ZNF638: variants seen among roughly 807,000 people sequenced by gnomAD.
The protein encoded by ZNF638 is zinc finger protein 638, also known as CTCL tumor antigen se33-1.
ZNF638 carries 46 observed loss-of-function variants against 195.6 expected under a neutral mutation model. The observed-to-expected ratio is 0.24, with a 90% confidence interval of 0.19 to 0.30. ZNF638 has a LOEUF of 0.30. Ranked by LOEUF, ZNF638 falls within the 10% of genes least tolerant of loss-of-function variation. The pLI is 1.00. For synonymous variants in ZNF638, 845 were observed against 772.0 expected (o/e 1.09, Z -1.57); for missense variants, 2,440 against 2,325.3 (o/e 1.05, Z -1.01).
At chr2:71,358,793 G>C (rs150063180) in intron 3 of ZNF638, among the ~76,000 whole-genome samples, 1 of 151,978 alleles carries the variant, frequency 6.6e-6, no homozygotes, top group Non-Finnish European at 1.5e-5. Context: ...CTTTCCTATC[G>C]GTGCCATTTT....
chr2:71,434,989 A>G lies in ZNF638; in HGVS notation c.*182A>G, dbSNP rs946778388. ...GTATGATGGGTTTGATTTTTATATC[A>G]AATCATCAGGCATGGAGAAATATCT... On this transcript the variant is annotated 3_prime_UTR_variant, in exon 28 of 28. Coordinates refer to ENST00000264447, the MANE Select transcript of ZNF638 (RefSeq NM_014497.5). The G allele has an allele frequency of 1.9e-6, 1 of 518,288 alleles. No homozygotes were observed. Among genetic ancestry groups the G allele is most frequent in the African/African-American group, 2.0e-5 (1 of 50,246 alleles). The allele number at this position is 518,288 out of a possible 1,614,324, so 32.1% of individuals were successfully genotyped here. A position where few individuals can be genotyped will look rare whatever the true frequency, so the allele number is the denominator to read the frequency against.
At chr2:71,418,715 T>G (rs2080356919) in intron 21 of ZNF638, 76 bp downstream of exon 21, 3 of 1,028,620 alleles carry the variant, frequency 2.9e-6, no homozygotes, top group Non-Finnish European at 4.2e-6. Flanking sequence ...TTTATAGTAA[T>G]GGCTCACATG....
intron 10 of ZNF638, chr2:71,380,860 C>T (rs2079523830): frequency 4.6e-6 from 1 of 217,212 alleles, no homozygotes; most frequent in Admixed American, 5.8e-5. Context: ...ATATCTCCCT[C>T]CATCCCTTCC....
intron 19 of ZNF638, 48 bp downstream of exon 19, chr2:71,406,310 T>A: frequency 1.9e-6 from 3 of 1,550,458 alleles, no homozygotes; most frequent in Non-Finnish European, 2.7e-6. Context: ...AAAGAATGTA[T>A]AATAACCCTG....
intron 10 of ZNF638, chr2:71,393,754 G>A: frequency 1.6e-6 from 1 of 635,036 alleles, no homozygotes; most frequent in African/African-American, 1.8e-5. Context: ...CTTACGCCCT[G>A]TTACCTGGGC....
intron 8 of ZNF638, among the ~76,000 whole-genome samples, chr2:71,378,290 G>A (rs2079471891): frequency 6.6e-6 from 1 of 152,156 alleles, no homozygotes; most frequent in Non-Finnish European, 1.5e-5. Context: ...GAACATAGTA[G>A]TTTCAAATTT....
chr2:71,424,182 G>T, intron 22 of ZNF638, 144 bp downstream of exon 22: 1 of 1,109,926 alleles, frequency 9.0e-7, no homozygotes, highest in Non-Finnish European at 1.2e-6. Context: ...TTTCTTAAAT[G>T]ATTCCATTGT....
intron 8 of ZNF638, among the ~76,000 whole-genome samples, chr2:71,374,666 C>G (rs2104323859): frequency 6.6e-6 from 1 of 152,324 alleles, no homozygotes; most frequent in Non-Finnish European, 1.5e-5. Context: ...GCCTGTTATC[C>G]TAGCATTTTG....
intron 1 of ZNF638, among the ~76,000 whole-genome samples, chr2:71,335,086 T>C (rs1236289251): frequency 6.6e-6 from 1 of 152,178 alleles, no homozygotes; most frequent in Non-Finnish European, 1.5e-5. Flanking sequence ...AGGATCTCAC[T>C]CTTTCTCTAA....
intron 21 of ZNF638, among the ~76,000 whole-genome samples, chr2:71,419,020 A>G (rs552717806): frequency 6.6e-6 from 1 of 152,322 alleles, no homozygotes; most frequent in African/African-American, 2.4e-5. Context: ...TAACCTTTTA[A>G]CGTTACTTAA....
At chr2:71,421,849 C>T (rs980575491) in intron 21 of ZNF638, among the ~76,000 whole-genome samples, 2 of 151,984 alleles carry the variant, frequency 1.3e-5, no homozygotes, top group Non-Finnish European at 1.5e-5. Flanking sequence ...TAAGGTTTTC[C>T]TTGTTCTTCA....
chr2:71,349,923 G>A lies in ZNF638; in HGVS notation c.969G>A (p.Met323Ile), dbSNP rs753591456. The change falls in exon 2 of 28, where the codon ATG (methionine) becomes ATA (isoleucine). Residue 323 changes from methionine (M) to isoleucine (I), a missense_variant. Met to Ile is a conservative substitution (Grantham distance 10, BLOSUM62 1). This residue lies in a region of ZNF638 where 305 missense variants were observed against 283.6 expected (regional missense o/e 1.08). Coordinates refer to ENST00000264447, the MANE Select transcript of ZNF638 (RefSeq NM_014497.5). ...TTAACCAAACAGTTAGCCAGACAATGAGTCAATCTCTGATTCCTCCATCTA... is the reference window on the plus strand; with the variant it reads ...TTAACCAAACAGTTAGCCAGACAATAAGTCAATCTCTGATTCCTCCATCTA... ...QSINQTVSQT[M>I]SQSLIPPSMN... 3.7e-6 allele frequency: 6 copies of A among 1,614,192 alleles called. No homozygotes were observed. The highest frequency in any genetic ancestry group is 2.2e-5 in the South Asian group (2 of 91,080).
intron 21 of ZNF638, 106 bp downstream of exon 21, chr2:71,418,745 G>T: frequency 2.5e-6 from 2 of 790,822 alleles, no homozygotes; most frequent in Non-Finnish European, 3.8e-6. Flanking sequence ...GTTCTTTTCT[G>T]CATATTTATT....
At chr2:71,419,974 C>CTTTTTTTTT (rs58583336) in intron 21 of ZNF638, among the ~76,000 whole-genome samples, 29 of 27,034 alleles carry the variant, frequency 1.1e-3, no homozygotes, top group East Asian at 4.5e-3. Context: ...CCCCCCCCGC[C>CTTTTTTTTT]TTTTTTTTTT....
At chr2:71,420,192 A>AG (rs2080401530) in intron 21 of ZNF638, among the ~76,000 whole-genome samples, 1 of 151,726 alleles carries the variant, frequency 6.6e-6, no homozygotes, top group South Asian at 2.1e-4. Flanking sequence ...CTTCCTGTGT[A>AG]GCTGGTACTA....
At chr2:71,342,218 C>CA (rs70959232) in intron 1 of ZNF638, among the ~76,000 whole-genome samples, 20,638 of 99,188 alleles carry the variant, frequency 0.21, 3,403 homozygotes, top group African/African-American at 0.42. Flanking sequence ...GACTCTGTCT[C>CA]AAAAAAAAAA....
In ZNF638 at chr2:71,349,076, G is replaced by T; in HGVS notation, c.122G>T (p.Arg41Ile). The part of the protein sequence containing the change: ...FMRPGSMGLP[R>I]FYPAGRARGI... ...AGGCCTGGATCTATGGGTCTCCCAA[G>T]ATTTTACCCAGCAGGGAGAGCACGT... Residue 41 changes from arginine to isoleucine, a missense_variant, in exon 2 of 28, where the codon AGA (arginine) becomes ATA (isoleucine). Physicochemically the swap from Arg to Ile is moderately conservative, Grantham distance 97 (BLOSUM62 -3). This residue lies in a region of ZNF638 where 191 missense variants were observed against 173.8 expected (regional missense o/e 1.10). Coordinates refer to ENST00000264447, the MANE Select transcript of ZNF638 (RefSeq NM_014497.5). The T allele has an allele frequency of 6.2e-7, 1 of 1,614,194 alleles. No homozygotes were observed. Among genetic ancestry groups the T allele is most frequent in the Non-Finnish European group, 8.5e-7 (1 of 1,180,038 alleles).
Position 71,400,079 on chromosome 2 carries a change from T to G in ZNF638, c.2588-33T>G, listed in dbSNP as rs756202146. On this transcript the variant is annotated intron_variant, in intron 13 of 27. Coordinates refer to ENST00000264447, the MANE Select transcript of ZNF638 (RefSeq NM_014497.5). ...CATTAGTTTAATTATATTAGTGTTT[T>G]ACTAGACTATTAAAGCAGACTATTT... 2.6e-6 allele frequency: 4 copies of G among 1,532,210 alleles called. No individual in the cohort carries two copies. The Admixed American group carries it at 6.2e-5, about 24-fold the overall frequency. The allele number at this position is 1,532,210 out of a possible 1,614,324, so 94.9% of individuals were successfully genotyped here.
intron 1 of ZNF638, among the ~76,000 whole-genome samples, chr2:71,340,440 C>T (rs75577728): frequency 0.02 from 3,117 of 152,262 alleles, 45 homozygotes; most frequent in African/African-American, 0.041. Flanking sequence ...CACAGAATGA[C>T]ATGTTAGTTT....
Sources: gnomAD v4.1 joint callset for allele counts (sites outside exome capture counted in the v4.1 genomes callset) on GRCh38, gnomAD v4.1.1 for gene constraint, gnomAD v4.1.1 regional missense constraint, MANE v1.5 for transcripts, NCBI Gene and HGNC (gene_info 2026-07-23, HGNC 2026-07-21) for gene names.